GRXCR1: variants seen among roughly 807,000 people sequenced by gnomAD.
GRXCR1 encodes the protein glutaredoxin domain-containing cysteine-rich protein 1.
A neutral mutation model predicts 27.3 loss-of-function variants in GRXCR1; 27 were observed. That is an observed-to-expected ratio of 0.99 (90% CI 0.73 to 1.37). GRXCR1 has a LOEUF of 1.37. GRXCR1 is among the 40% of genes most tolerant of loss of function. The pLI is 0.00. For synonymous variants in GRXCR1, 122 were observed against 131.1 expected (o/e 0.93, Z 0.47); for missense variants, 379 against 354.4 (o/e 1.07, Z -0.56).
Position 42,938,665 on chromosome 4 carries a change from T to C in GRXCR1, c.385-24227T>C, listed in dbSNP as rs113537289. Among the ~76,000 whole-genome samples, 669 of 152,138 alleles carry C rather than the reference T, an allele frequency of 4.4e-3. 2 individuals carry two copies. The highest frequency in any genetic ancestry group is 0.016 in the African/African-American group (647 of 41,552). The stretch of plus-strand genomic sequence containing the variant: ...CTTATATTTGTCTTTAATTCATTTT[T>C]ATTTTATTTTTGTATATGGTGAGAG... On this transcript the variant is annotated intron_variant, in intron 1 of 3. Transcript: ENST00000399770.
In GRXCR1 at chr4:42,893,306, C is replaced by T. The variant is rs201948629; in HGVS notation, c.40C>T (p.Arg14Trp). The T allele has an allele frequency of 4.5e-5, 73 of 1,613,640 alleles. No individual in the cohort carries two copies. In the Middle Eastern group the frequency reaches 6.6e-4, roughly 15 times the overall value. The change falls in exon 1 of 4, where the codon CGG becomes TGG. Residue 14 changes from arginine to tryptophan, a missense_variant. Transcript: ENST00000399770. ...REMKPESDRPRKVRFRIASSH... is the reference protein window; with the variant it reads ...REMKPESDRPWKVRFRIASSH... ...GATGAAGCCAGAAAGTGACAGGCCA[C>T]GGAAAGTCCGGTTTCGGATCGCGTC...
At chr4:42,911,431 A>T (rs956812932) in intron 1 of GRXCR1, among the ~76,000 whole-genome samples, 1 of 152,180 alleles carries the variant, frequency 6.6e-6, no homozygotes, top group Admixed American at 6.6e-5. Context: ...ACACACATGT[A>T]TCAAACGATG....
chr4:43,016,684 T>C (rs1188328279), intron 2 of GRXCR1, among the ~76,000 whole-genome samples: 1 of 151,982 alleles, frequency 6.6e-6, no homozygotes, highest in Non-Finnish European at 1.5e-5. Context: ...GCTTATTGTA[T>C]AGCTTTAACA....
chr4:42,992,259 A>G (rs1247147972), intron 2 of GRXCR1, among the ~76,000 whole-genome samples: 1 of 152,186 alleles, frequency 6.6e-6, no homozygotes, highest in African/African-American at 2.4e-5. Flanking sequence ...AAAAGCAGCA[A>G]ATGTTTTTCT....
chr4:42,910,560 A>C (rs2109744535), intron 1 of GRXCR1, among the ~76,000 whole-genome samples: 1 of 152,230 alleles, frequency 6.6e-6, no homozygotes, highest in South Asian at 2.1e-4. Context: ...AAAATAAATG[A>C]TTCAGGTCAT....
chr4:42,963,411 G>A (rs1748172917), intron 2 of GRXCR1, among the ~76,000 whole-genome samples: 1 of 152,064 alleles, frequency 6.6e-6, no homozygotes, highest in Non-Finnish European at 1.5e-5. Flanking sequence ...GTTTTGCACT[G>A]TGAAGCTTGG....
At chr4:42,934,607 G>A (rs1171730539) in intron 1 of GRXCR1, among the ~76,000 whole-genome samples, 4 of 151,868 alleles carry the variant, frequency 2.6e-5, no homozygotes, top group Non-Finnish European at 5.9e-5. Flanking sequence ...TCCTACACTT[G>A]CTCTATCATG....
At chr4:43,007,100 T>C (rs1201360503) in intron 2 of GRXCR1, among the ~76,000 whole-genome samples, 1 of 152,202 alleles carries the variant, frequency 6.6e-6, no homozygotes, top group Non-Finnish European at 1.5e-5. Flanking sequence ...AACTAATAGA[T>C]TCTGGGATTG....
intron 1 of GRXCR1, among the ~76,000 whole-genome samples, chr4:42,894,383 G>A (rs1375548860): frequency 1.3e-5 from 2 of 152,096 alleles, no homozygotes; most frequent in East Asian, 3.9e-4. Flanking sequence ...GTTTTTGAAA[G>A]CATTGGTAAA....
chr4:42,989,255 C>G (rs1330374762), intron 2 of GRXCR1, among the ~76,000 whole-genome samples: 2 of 152,160 alleles, frequency 1.3e-5, no homozygotes, highest in Admixed American at 1.3e-4. Flanking sequence ...TGAGGCCTCT[C>G]TTCTTGACTT....
Position 42,907,976 on chromosome 4 carries a change from C to A in GRXCR1, c.384+14326C>A, listed in dbSNP as rs56305641. Reference sequence around the variant, plus strand: ...TGAATTCTAGCCATTGGCAATGTAGCACCACATAATAACCACTGGTTTAGG... The same window carrying A: ...TGAATTCTAGCCATTGGCAATGTAGAACCACATAATAACCACTGGTTTAGG... On this transcript the variant is annotated intron_variant, in intron 1 of 3. Coordinates refer to ENST00000399770, the MANE Select transcript of GRXCR1 (RefSeq NM_001080476.3). Among the ~76,000 whole-genome samples the A allele has an allele frequency of 7.6e-3, 1,154 of 152,272 alleles. 7 individuals carry two copies. The highest frequency in any genetic ancestry group is 0.027 in the African/African-American group (1,114 of 41,544).
intron 1 of GRXCR1, among the ~76,000 whole-genome samples, chr4:42,961,011 C>T (rs982748538): frequency 1.3e-5 from 2 of 151,848 alleles, no homozygotes; most frequent in African/African-American, 4.8e-5. Context: ...CCACCTCACC[C>T]TCTGACAGGC....
chr4:42,897,823 G>A (rs1010645138), intron 1 of GRXCR1, among the ~76,000 whole-genome samples: 1 of 151,382 alleles, frequency 6.6e-6, no homozygotes, highest in Admixed American at 6.6e-5. Flanking sequence ...TCAGTAATGA[G>A]GAATAAAATG....
chr4:42,986,941 G>C (rs1711744750), intron 2 of GRXCR1, among the ~76,000 whole-genome samples: 1 of 151,348 alleles, frequency 6.6e-6, no homozygotes, highest in Admixed American at 6.6e-5. Context: ...ATGTTCTAGA[G>C]GGTAAAAGAT....
intron 1 of GRXCR1, among the ~76,000 whole-genome samples, chr4:42,941,227 G>T (rs1043791870): frequency 2.0e-5 from 3 of 151,928 alleles, no homozygotes; most frequent in African/African-American, 4.8e-5. Context: ...CATACAGTAT[G>T]CCCTAAGCAA....
At chr4:42,940,125 C>T (rs1747580705) in intron 1 of GRXCR1, among the ~76,000 whole-genome samples, 1 of 151,930 alleles carries the variant, frequency 6.6e-6, no homozygotes, top group South Asian at 2.1e-4. Context: ...TTTCTGAGTT[C>T]TTCATGGTGA....
intron 1 of GRXCR1, among the ~76,000 whole-genome samples, chr4:42,909,047 G>A (rs9990611): frequency 0.052 from 7,975 of 152,232 alleles, 299 homozygotes; most frequent in African/African-American, 0.11. Flanking sequence ...ACTTACATGC[G>A]GGGATGCCCC....
intron 2 of GRXCR1, among the ~76,000 whole-genome samples, chr4:43,000,742 AG>A (rs1712328595): frequency 6.6e-6 from 1 of 151,990 alleles, no homozygotes. Flanking sequence ...GGCATCCACG[AG>A]GGGGTCCTGA....
chr4:42,986,931 A>C lies in GRXCR1; in HGVS notation c.627+23797A>C, dbSNP rs777844498. 1.6e-4 allele frequency among the ~76,000 whole-genome samples: 24 copies of C among 151,314 alleles called. 1 individual carries two copies. Among genetic ancestry groups the C allele is most frequent in the Non-Finnish European group, 2.9e-4 (20 of 67,906 alleles). On this transcript the variant is annotated intron_variant, in intron 2 of 3. Transcript: ENST00000399770. ...ACAAACATTGAGTACCTTCTGTGCG[A>C]TGTTCTAGAGGGTAAAAGATTTTTA...
Sources: allele counts gnomAD v4.1 joint callset (sites outside exome capture counted in the v4.1 genomes callset), GRCh38; gene constraint gnomAD v4.1.1; transcripts MANE v1.5; gene names NCBI Gene and HGNC (gene_info 2026-07-23, HGNC 2026-07-21).